Variants in FYN observed in about 807,000 individuals in gnomAD.
FYN encodes FYN proto-oncogene, Src family tyrosine kinase.
FYN carries 10 observed loss-of-function variants against 70.2 expected under a neutral mutation model. The ratio of observed to expected loss-of-function variants is 0.14; its 90% CI spans 0.09 to 0.24. The LOEUF is 0.24. Among genes scored for constraint, FYN ranks in the 10% least tolerant of loss-of-function variants. FYN has a pLI of 1.00. For synonymous variants in FYN, 236 were observed against 248.6 expected (o/e 0.95, Z 0.48); for missense variants, 319 against 673.1 (o/e 0.47, Z 5.82).
intron 5 of FYN, among the ~76,000 whole-genome samples, chr6:111,712,022 T>C (rs1800403307): frequency 6.6e-6 from 1 of 152,288 alleles, no homozygotes; most frequent in East Asian, 1.9e-4. Context: ...AGGCCGTGCA[T>C]GGAAGTCACA....
At chr6:111,858,443 C>T (rs1402926724) in intron 1 of FYN, 2 of 152,216 alleles carry the variant, frequency 1.3e-5, no homozygotes, top group Admixed American at 1.3e-4. Flanking sequence ...CCTTCTTGGG[C>T]TAACGGAAGT....
intron 1 of FYN, among the ~76,000 whole-genome samples, chr6:111,849,611 TGA>T (rs1443676334): frequency 6.6e-6 from 1 of 152,070 alleles, no homozygotes; most frequent in Non-Finnish European, 1.5e-5. Context: ...GGCCAGACTG[TGA>T]GAGACGGTGT....
At chr6:111,817,893 G>A (rs1025298268) in intron 2 of FYN, among the ~76,000 whole-genome samples, 1 of 152,118 alleles carries the variant, frequency 6.6e-6, no homozygotes, top group African/African-American at 2.4e-5. Flanking sequence ...TCCTCCACTG[G>A]GGCACTGTCT....
intron 2 of FYN, among the ~76,000 whole-genome samples, chr6:111,782,216 G>C (rs897813619): frequency 6.6e-6 from 1 of 152,044 alleles, no homozygotes. Context: ...TTAAATAAAT[G>C]TACTACTTTT....
chr6:111,694,362 T>C lies in FYN; in HGVS notation c.1273+13A>G. 1 of 1,613,984 alleles carries C rather than the reference T, an allele frequency of 6.2e-7. No individual in the cohort carries two copies. Among genetic ancestry groups the C allele is most frequent in the Middle Eastern group, 1.7e-4 (1 of 6,058 alleles). ...CAGCTGTGATCACGAGCCATTGTCA[T>C]TCAAGTGCCCACCTTGTCTTGCTGT... is the stretch of plus-strand genomic sequence containing the variant. On this transcript the variant is annotated intron_variant, in intron 12 of 13. Coordinates refer to ENST00000354650, the MANE Select transcript of FYN (RefSeq NM_002037.5). This position sits in a 1 kb window ranked among gnomAD's most constrained non-coding sequence, Gnocchi z 5.0.
chr6:111,816,531 T>C (rs372740847), intron 2 of FYN, among the ~76,000 whole-genome samples: 9 of 152,214 alleles, frequency 5.9e-5, no homozygotes, highest in African/African-American at 1.7e-4. Flanking sequence ...GTGTACTCCA[T>C]AGATCATAAG....
At chr6:111,812,938 A>G (rs1016953569) in intron 2 of FYN, among the ~76,000 whole-genome samples, 6 of 152,290 alleles carry the variant, frequency 3.9e-5, no homozygotes, top group African/African-American at 1.4e-4. Flanking sequence ...CCAAGTAGAT[A>G]TTATACACGA....
chr6:111,708,031 A>G lies in FYN; in HGVS notation c.345-11T>C, dbSNP rs759977385. 1 of 1,599,266 alleles carries G rather than the reference A, an allele frequency of 6.3e-7. No individual in the cohort carries two copies. The highest frequency in any genetic ancestry group is 1.1e-5 in the South Asian group (1 of 90,724). On this transcript the variant is annotated splice_polypyrimidine_tract_variant and intron_variant, in intron 5 of 13. Transcript: ENST00000354650. ...CACCAATCTCCTTCCCTGTAAATAA[A>G]AAAGAAAAGTAAATATGTTGACCAT...
rs746134687 is a variant in FYN, at chr6:111,719,823, G to A, written c.229C>T (p.Arg77Cys). ...VNSSSHTGTL[R>C]TRGGTGVTLF... ...GGCTTACCTGTTCCTCCTCTCGTAC[G>A]CAAGGTCCCCGTATGAGACGAAGAG... The change falls in exon 4 of 14, where the codon CGT becomes TGT. Residue 77 changes from arginine to cysteine, a missense_variant. Transcript: ENST00000354650. The A allele has an allele frequency of 6.2e-6, 10 of 1,613,930 alleles. No homozygotes were observed. The highest frequency in any genetic ancestry group is 2.2e-5 in the South Asian group (2 of 91,080).
At position 111,865,561 on chromosome 6, in the gene FYN, C is replaced by T. The variant is rs1028368753; in HGVS notation, c.-123+7407G>A. 2.0e-5 allele frequency among the ~76,000 whole-genome samples: 3 copies of T among 152,106 alleles called. No individual in the cohort carries two copies. The South Asian group carries it at 6.2e-4, about 32-fold the overall frequency. On this transcript the variant is annotated intron_variant, in intron 1 of 13. Coordinates refer to ENST00000354650, the MANE Select transcript of FYN (RefSeq NM_002037.5). ...CTAAGTTGTCTATATTGCATGTCAC[C>T]CAAGTCCATTTGGATAATACCATTC...
At chr6:111,751,132 C>T (rs1802466119) in intron 3 of FYN, among the ~76,000 whole-genome samples, 2 of 152,210 alleles carry the variant, frequency 1.3e-5, no homozygotes, top group South Asian at 4.1e-4. Flanking sequence ...TCTTGCTCAA[C>T]CTCATTCCCA....
chr6:111,678,651 T>C (rs1320715264), intron 12 of FYN, among the ~76,000 whole-genome samples: 1 of 152,222 alleles, frequency 6.6e-6, no homozygotes, highest in Non-Finnish European at 1.5e-5. Context: ...AAATTGGTTA[T>C]ACAAGTCAGT....
At chr6:111,747,152 AAG>A (rs1802264767) in intron 3 of FYN, among the ~76,000 whole-genome samples, 1 of 152,212 alleles carries the variant, frequency 6.6e-6, no homozygotes, top group South Asian at 2.1e-4. Context: ...TAAGTAGATT[AAG>A]AGAGTCCAGC....
Position 111,871,137 on chromosome 6 carries a change from A to G in FYN, c.-123+1831T>C, listed in dbSNP as rs111935003. Among the ~76,000 whole-genome samples the G allele has an allele frequency of 6.9e-3, 1,046 of 152,360 alleles. 9 individuals carry two copies. Among genetic ancestry groups the G allele is most frequent in the African/African-American group, 0.024 (979 of 41,574 alleles). On this transcript the variant is annotated intron_variant, in intron 1 of 13. Transcript: ENST00000354650. ...CAGGTTCAACTTAAGTTTTGACAAT[A>G]TCGATTAAGCATGTAATAGTCACTG...
chr6:111,774,226 T>C (rs1803617650), intron 3 of FYN, among the ~76,000 whole-genome samples: 1 of 152,184 alleles, frequency 6.6e-6, no homozygotes, highest in Non-Finnish European at 1.5e-5. Flanking sequence ...GGGGCAGCAA[T>C]CGCATGACCT....
At chr6:111,838,787 T>C (rs1464778020) in intron 2 of FYN, among the ~76,000 whole-genome samples, 1 of 152,220 alleles carries the variant, frequency 6.6e-6, no homozygotes, top group Non-Finnish European at 1.5e-5. Flanking sequence ...ATGGTATGTG[T>C]GGATAGGATG....
chr6:111,845,107 A>C (rs1773486130), intron 2 of FYN, among the ~76,000 whole-genome samples: 1 of 152,192 alleles, frequency 6.6e-6, no homozygotes, highest in Non-Finnish European at 1.5e-5. Context: ...AGATGAATGG[A>C]CTTCCCCCTC....
chr6:111,826,896 T>G (rs531568303), intron 2 of FYN, among the ~76,000 whole-genome samples: 5 of 152,286 alleles, frequency 3.3e-5, no homozygotes, highest in African/African-American at 1.2e-4. Flanking sequence ...TTTGATAAAA[T>G]CACAAACCTA....
intron 2 of FYN, among the ~76,000 whole-genome samples, chr6:111,812,604 CTTTTTTTTTTT>C (rs369326017): frequency 5.9e-5 from 6 of 101,284 alleles, no homozygotes; most frequent in Non-Finnish European, 1.3e-4. Flanking sequence ...AGAAATTTTC[CTTTTTTTTTTT>C]TTTTTTTTTT....
Sources: allele counts gnomAD v4.1 joint callset (sites outside exome capture counted in the v4.1 genomes callset), GRCh38; gene constraint gnomAD v4.1.1; non-coding constraint Gnocchi (gnomAD v3.1); transcripts MANE v1.5; gene names NCBI Gene and HGNC (gene_info 2026-07-23, HGNC 2026-07-21).